Variants in ARID1B observed in about 807,000 individuals in gnomAD.
The protein encoded by ARID1B is AT-rich interaction domain 1B.
In ARID1B, 30 loss-of-function variants were observed where a neutral mutation model predicts 212.3. The ratio of observed to expected loss-of-function variants is 0.14; its 90% CI spans 0.11 to 0.19. The LOEUF is 0.19. Among genes scored for constraint, ARID1B ranks in the 10% least tolerant of loss-of-function variants. The pLI, the probability that ARID1B is intolerant of heterozygous loss-of-function variation, is 1.00. For synonymous variants in ARID1B, 1,402 were observed against 1,301.7 expected (o/e 1.08, Z -1.66); for missense variants, 2,891 against 3,204.0 (o/e 0.90, Z 2.36).
intron 13 of ARID1B, among the ~76,000 whole-genome samples, chr6:157,188,982 T>TA (rs896641264): frequency 6.6e-6 from 1 of 152,090 alleles, no homozygotes; most frequent in Admixed American, 6.6e-5. Context: ...ATAACAGCAT[T>TA]AAAAAAACGC....
At chr6:156,919,349 A>G (rs181361722) in intron 3 of ARID1B, among the ~76,000 whole-genome samples, 4 of 152,156 alleles carry the variant, frequency 2.6e-5, no homozygotes, top group Admixed American at 2.0e-4. Context: ...TGATAATGCT[A>G]TGTATTCATT....
At chr6:156,782,802 T>TA (rs1427500390) in intron 1 of ARID1B, among the ~76,000 whole-genome samples, 2 of 152,132 alleles carry the variant, frequency 1.3e-5, no homozygotes, top group African/African-American at 2.4e-5. Context: ...AAGGTGGACT[T>TA]AGTAACTGTG....
At chr6:156,804,574 G>A (rs569242416) in intron 1 of ARID1B, among the ~76,000 whole-genome samples, 46 of 152,176 alleles carry the variant, frequency 3.0e-4, no homozygotes, top group Non-Finnish European at 5.6e-4. Flanking sequence ...CAGGGTGGCA[G>A]GGGAGAGAAT....
chr6:156,928,093 G>A (rs1371372628), intron 3 of ARID1B, among the ~76,000 whole-genome samples: 1 of 152,184 alleles, frequency 6.6e-6, no homozygotes, highest in Non-Finnish European at 1.5e-5. Flanking sequence ...CATGGGACCC[G>A]AGCAGCTGAA....
At chr6:157,173,893 T>C in intron 9 of ARID1B, 115 bp from the exon 10 acceptor site, 3 of 820,248 alleles carry the variant, frequency 3.7e-6, no homozygotes, top group Non-Finnish European at 1.9e-6. Flanking sequence ...TTTTCTTTTC[T>C]TCCTTCAAGG....
chr6:157,039,882 T>TCTTCCTTCCTTCCTTCCTTC (rs146558678), intron 4 of ARID1B, among the ~76,000 whole-genome samples: 136 of 67,272 alleles, frequency 2.0e-3, no homozygotes, highest in African/African-American at 6.9e-3. Flanking sequence ...CTTTCTTTTC[T>TCTTCCTTCCTTCCTTCCTTC]CTTCCTTCCT....
At chr6:156,923,808 A>G (rs1290717090) in intron 3 of ARID1B, among the ~76,000 whole-genome samples, 1 of 151,640 alleles carries the variant, frequency 6.6e-6, no homozygotes, top group Non-Finnish European at 1.5e-5. Context: ...CCCAGGTTCA[A>G]GTGATTCTCA....
chr6:157,167,215 C>T (rs1791391846), intron 9 of ARID1B, 30 bp downstream of exon 9: 3 of 1,592,158 alleles, frequency 1.9e-6, no homozygotes, highest in South Asian at 2.2e-5. Flanking sequence ...GCTCCTGAGC[C>T]CCTCTCTCTC....
intron 6 of ARID1B, among the ~76,000 whole-genome samples, chr6:157,129,164 T>C (rs1014847324): frequency 1.3e-5 from 2 of 152,272 alleles, no homozygotes; most frequent in Non-Finnish European, 2.9e-5. Flanking sequence ...TCACAGATTA[T>C]AGGACACTTT....
intron 5 of ARID1B, among the ~76,000 whole-genome samples, chr6:157,102,892 C>T (rs1278293383): frequency 6.6e-6 from 1 of 152,058 alleles, no homozygotes; most frequent in East Asian, 1.9e-4. Context: ...CCACTGCACC[C>T]GGCCTTCCTG....
intron 4 of ARID1B, among the ~76,000 whole-genome samples, chr6:156,968,042 T>A (rs1301638121): frequency 1.3e-5 from 2 of 152,238 alleles, no homozygotes; most frequent in Non-Finnish European, 2.9e-5. Flanking sequence ...ACGTGACCTT[T>A]CCCGGTCCCT....
At chr6:157,009,157 G>T (rs1041601495) in intron 4 of ARID1B, among the ~76,000 whole-genome samples, 3 of 152,092 alleles carry the variant, frequency 2.0e-5, no homozygotes, top group African/African-American at 7.3e-5. Context: ...TACAGAGACA[G>T]TAGTGCTCAC....
chr6:156,950,020 A>G (rs549650655), intron 4 of ARID1B, among the ~76,000 whole-genome samples: 41 of 152,330 alleles, frequency 2.7e-4, no homozygotes, highest in African/African-American at 3.6e-4. Context: ...AGTTTGGACA[A>G]TTAAAATATG....
intron 5 of ARID1B, chr6:157,107,714 CTTTA>C (rs1383439342): frequency 4.6e-5 from 7 of 152,044 alleles, no homozygotes; most frequent in African/African-American, 1.2e-4. Flanking sequence ...CGGGGGCTCT[CTTTA>C]TTTATTTTTT....
intron 3 of ARID1B, among the ~76,000 whole-genome samples, chr6:156,917,594 A>G (rs1790459913): frequency 6.6e-6 from 1 of 152,228 alleles, no homozygotes; most frequent in African/African-American, 2.4e-5. Flanking sequence ...GTTCCTTGTT[A>G]GTGAAAATAG....
At chr6:157,184,895 A>C (rs1223443571) in intron 13 of ARID1B, 1 of 182,412 alleles carries the variant, frequency 5.5e-6, no homozygotes, top group Non-Finnish European at 1.1e-5. Context: ...TAGTAAAATG[A>C]AGCCTGGGCT....
intron 4 of ARID1B, among the ~76,000 whole-genome samples, chr6:156,967,597 TATTA>T (rs1794856857): frequency 6.6e-6 from 1 of 152,240 alleles, no homozygotes; most frequent in Non-Finnish European, 1.5e-5. Flanking sequence ...GACAGAAGAA[TATTA>T]ATTTGCCCTA....
At chr6:157,037,709 C>G (rs1183810086) in intron 4 of ARID1B, among the ~76,000 whole-genome samples, 1 of 152,198 alleles carries the variant, frequency 6.6e-6, no homozygotes, top group Non-Finnish European at 1.5e-5. Context: ...GCAATTTAGA[C>G]AGATGACTTT....
chr6:157,057,240 C>T (rs376947979), intron 4 of ARID1B, among the ~76,000 whole-genome samples: 1 of 152,244 alleles, frequency 6.6e-6, no homozygotes. Context: ...TCATGATCCA[C>T]CAGCCTCAGC....
Sources: allele counts gnomAD v4.1 joint callset (sites outside exome capture counted in the v4.1 genomes callset), GRCh38; gene constraint gnomAD v4.1.1; transcripts MANE v1.5; gene names NCBI Gene and HGNC (gene_info 2026-07-23, HGNC 2026-07-21).